Variants in OSBPL10 observed in about 807,000 individuals in gnomAD.
The protein encoded by OSBPL10 is oxysterol binding protein like 10.
In OSBPL10, 49 loss-of-function variants were observed where a neutral mutation model predicts 81.7. The ratio of observed to expected loss-of-function variants is 0.60; its 90% confidence interval spans 0.48 to 0.76. The LOEUF is 0.76. Ranked by LOEUF, OSBPL10 falls within the 30% of genes least tolerant of loss-of-function variation. OSBPL10 has a pLI of 0.00. For missense variants in OSBPL10, 923 were observed against 987.8 expected, an observed-to-expected ratio of 0.93 and a Z score of 0.88; for synonymous variants, 419 against 383.6, an observed-to-expected ratio of 1.09 and a Z score of -1.08.
intron 3 of OSBPL10, among the ~76,000 whole-genome samples, chr3:31,838,671 GT>G (rs1351423184): frequency 1.3e-5 from 2 of 152,050 alleles, no homozygotes. Flanking sequence ...GTCCAAAAAA[GT>G]CACCACAACT....
At chr3:31,874,873 A>G (rs1162237834) in intron 3 of OSBPL10, among the ~76,000 whole-genome samples, 1 of 152,146 alleles carries the variant, frequency 6.6e-6, no homozygotes, top group Non-Finnish European at 1.5e-5. Flanking sequence ...ATAGACACCT[A>G]GAGGTATAAG....
chr3:31,914,815 A>G (rs1376629046), intron 1 of OSBPL10, among the ~76,000 whole-genome samples: 1 of 152,222 alleles, frequency 6.6e-6, no homozygotes, highest in African/African-American at 2.4e-5. Flanking sequence ...TCAAGCACTC[A>G]ATAGCCACAT....
chr3:32,054,673 G>A (rs745624656), intron 1 of OSBPL10, among the ~76,000 whole-genome samples: 9 of 151,060 alleles, frequency 6.0e-5, no homozygotes, highest in East Asian at 2.0e-4. Flanking sequence ...CTGGGATTAC[G>A]GGGGCGGGCC....
intron 4 of OSBPL10, among the ~76,000 whole-genome samples, chr3:31,797,386 T>C (rs562530642): frequency 6.6e-6 from 1 of 152,348 alleles, no homozygotes; most frequent in Admixed American, 6.5e-5. Flanking sequence ...GATACTAAAC[T>C]AATTCTTGGC....
rs1575556601 is a variant in OSBPL10 at position 31,805,807 on chromosome 3, A to G, written c.729+24233T>C. 3.3e-5 allele frequency among the ~76,000 whole-genome samples: 5 copies of G among 152,196 alleles called. No homozygotes were observed. In the South Asian group the frequency reaches 1.0e-3, roughly 31 times the overall value. On this transcript the variant is annotated intron_variant, in intron 4 of 11. Transcript: ENST00000396556. ...CAGGCAGGCCTCACAAGATAACCCA[A>G]CAAGAAGGGAAGAACAGCTCTTCCC...
intron 8 of OSBPL10, among the ~76,000 whole-genome samples, chr3:31,678,209 C>T (rs1700535618): frequency 6.6e-6 from 1 of 152,020 alleles, no homozygotes; most frequent in Non-Finnish European, 1.5e-5. Flanking sequence ...AGGCCATGTG[C>T]TGTGCTGGGC....
At chr3:31,778,043 G>A (rs562889265) in intron 4 of OSBPL10, among the ~76,000 whole-genome samples, 4 of 152,328 alleles carry the variant, frequency 2.6e-5, no homozygotes, top group Middle Eastern at 3.4e-3. Context: ...AGGAAATGCT[G>A]GAGGAAGGAC....
chr3:31,787,639 C>T (rs1698893492), intron 4 of OSBPL10, among the ~76,000 whole-genome samples: 1 of 151,586 alleles, frequency 6.6e-6, no homozygotes, highest in African/African-American at 2.4e-5. Context: ...TCAATATGTC[C>T]TTTGGGAAGG....
chr3:31,838,426 G>A (rs1700411733), intron 3 of OSBPL10, among the ~76,000 whole-genome samples: 1 of 148,388 alleles, frequency 6.7e-6, no homozygotes. Context: ...CAGGAGAATG[G>A]CGTGAACCCG....
At position 31,808,695 on chromosome 3, in the gene OSBPL10, C is replaced by T. The variant is rs143942028; in HGVS notation, c.729+21345G>A. Among the ~76,000 whole-genome samples the T allele has an allele frequency of 7.6e-3, 1,165 of 152,288 alleles. 4 individuals are homozygous for T. The highest frequency in any genetic ancestry group is 0.012 in the Non-Finnish European group (792 of 68,014). Reference sequence around the variant, plus strand: ...TTGAAAACAATTCTACATTCCTTTCCGATATTCCTAACTAAATTCATCACA... The same window carrying T: ...TTGAAAACAATTCTACATTCCTTTCTGATATTCCTAACTAAATTCATCACA... On this transcript the variant is annotated intron_variant, in intron 4 of 11. Transcript: ENST00000396556.
chr3:31,899,628 G>A (rs556653487), intron 1 of OSBPL10, among the ~76,000 whole-genome samples: 5 of 152,178 alleles, frequency 3.3e-5, no homozygotes, highest in Non-Finnish European at 7.4e-5. Context: ...CCAGGAGCTT[G>A]AGACCAGCCT....
chr3:32,010,091 A>C (rs2125538644), intron 2 of OSBPL10, among the ~76,000 whole-genome samples: 1 of 152,200 alleles, frequency 6.6e-6, no homozygotes, highest in East Asian at 1.9e-4. Flanking sequence ...TCATAAGAAG[A>C]GTCAAAGAGG....
At chr3:31,732,871 C>G (rs1697022303) in intron 6 of OSBPL10, 2 of 255,808 alleles carry the variant, frequency 7.8e-6, no homozygotes, top group South Asian at 4.3e-5. Context: ...GAGGCAAGAG[C>G]TTGTATCAGC....
intron 8 of OSBPL10, among the ~76,000 whole-genome samples, chr3:31,671,656 G>A (rs1280567186): frequency 6.6e-6 from 1 of 152,198 alleles, no homozygotes; most frequent in East Asian, 1.9e-4. Context: ...GTGGGACTCT[G>A]TAACACTTAC....
At chr3:31,770,917 C>T (rs1389443979) in intron 4 of OSBPL10, among the ~76,000 whole-genome samples, 1 of 152,188 alleles carries the variant, frequency 6.6e-6, no homozygotes, top group Non-Finnish European at 1.5e-5. Flanking sequence ...CCATTCTCCC[C>T]ATTCTAGGAA....
At chr3:31,979,828 G>A (rs750973312) in intron 1 of OSBPL10, among the ~76,000 whole-genome samples, 2 of 151,728 alleles carry the variant, frequency 1.3e-5, no homozygotes, top group Non-Finnish European at 2.9e-5. Flanking sequence ...CCCTTTCCTC[G>A]ACAGCCCCAT....
chr3:31,864,865 C>T (rs1701137987), intron 3 of OSBPL10, among the ~76,000 whole-genome samples: 4 of 152,006 alleles, frequency 2.6e-5, no homozygotes, highest in South Asian at 2.1e-4. Context: ...TCACTAAAGC[C>T]GCGTGTGAGA....
chr3:31,670,806 T>A lies in OSBPL10; in HGVS notation c.1904A>T (p.Lys635Ile). The A allele has an allele frequency of 6.2e-7, 1 of 1,613,770 alleles. No individual in the cohort carries two copies. The highest frequency in any genetic ancestry group is 8.5e-7 in the Non-Finnish European group (1 of 1,179,778). ...IFHTKPFYGG[K>I]VHRVTAEVKH... is the part of the protein sequence containing the mutation. ...TCCGGCCAGCTCCTACCTGTGGACT[T>A]TCCCTCCATAGAAAGGCTTCGTGTG... is the stretch of plus-strand genomic sequence containing the variant. The change falls in exon 9 of 12, where the codon AAA (lysine) becomes ATA (isoleucine). Residue 635 changes from lysine (K) to isoleucine (I), a missense_variant. Coordinates refer to ENST00000396556, the MANE Select transcript of OSBPL10 (RefSeq NM_017784.5).
At chr3:31,668,887 T>C in intron 9 of OSBPL10, 63 bp from the exon 10 acceptor site, 2 of 1,369,640 alleles carry the variant, frequency 1.5e-6, no homozygotes, top group Non-Finnish European at 1.9e-6. Context: ...ACTTCAAAGG[T>C]ACACCCATCT....
Sources: allele counts gnomAD v4.1 joint callset (sites outside exome capture counted in the v4.1 genomes callset), GRCh38; gene constraint gnomAD v4.1.1; transcripts MANE v1.5; gene names NCBI Gene and HGNC (gene_info 2026-07-23, HGNC 2026-07-21).